Variants in KPNB1 observed in about 807,000 individuals in gnomAD.
The protein encoded by KPNB1 is importin subunit beta-1.
A neutral mutation model predicts 113.0 loss-of-function variants in KPNB1; 7 were observed. The ratio of observed to expected loss-of-function variants is 0.06; its 90% CI spans 0.04 to 0.12. The LOEUF (loss-of-function observed/expected upper bound fraction) is 0.12. Ranked by LOEUF, KPNB1 falls within the 10% of genes least tolerant of loss-of-function variation. KPNB1 has a pLI of 1.00. For missense variants in KPNB1, 400 were observed against 1,054.8 expected (o/e 0.38, Z 8.60); for synonymous variants, 363 against 378.6 (o/e 0.96, Z 0.48).
intron 21 of KPNB1, among the ~76,000 whole-genome samples, chr17:47,681,024 C>A (rs1241962847): frequency 1.3e-5 from 2 of 151,812 alleles, no homozygotes; most frequent in African/African-American, 4.8e-5. Context: ...TTGCCTAGCT[C>A]TAGAGAAGAT....
chr17:47,675,361 G>GTGTTTTT (rs2030566872), intron 15 of KPNB1, among the ~76,000 whole-genome samples: 1 of 88,694 alleles, frequency 1.1e-5, no homozygotes. Context: ...CAGAGGTGTT[G>GTGTTTTT]TTTTTTTTTT....
chr17:47,678,475 A>G (rs2030677076), intron 19 of KPNB1, 62 bp downstream of exon 19: 5 of 1,143,518 alleles, frequency 4.4e-6, no homozygotes, highest in South Asian at 3.7e-5. Flanking sequence ...CAAGTGGGCT[A>G]TGTCTGTCAT....
In KPNB1 at chr17:47,650,127, GCC is replaced by G; in HGVS notation, c.-113_-112del. The G allele has an allele frequency of 1.5e-6, 1 of 686,060 alleles. No homozygotes were observed. The allele number at this position is 686,060 out of a possible 1,614,324, so 42.5% of individuals were successfully genotyped here. A position where few individuals can be genotyped will look rare whatever the true frequency, so the allele number is the denominator to read the frequency against. On this transcript the variant is annotated 5_prime_UTR_variant, in exon 1 of 22. Coordinates refer to ENST00000290158, the MANE Select transcript of KPNB1 (RefSeq NM_002265.6). ...GGTGAATGGGTTTGTGGTGACCCCC[GCC>G]CCCCACCCCACCCTCCCTTCCCACC...
intron 15 of KPNB1, among the ~76,000 whole-genome samples, chr17:47,675,361 GT>G (rs1166648701): frequency 9.0e-5 from 8 of 88,684 alleles, no homozygotes; most frequent in African/African-American, 1.4e-4. Flanking sequence ...CAGAGGTGTT[GT>G]TTTTTTTTTG....
At chr17:47,671,319 T>A (rs1232948696) in intron 12 of KPNB1, among the ~76,000 whole-genome samples, 1 of 152,210 alleles carries the variant, frequency 6.6e-6, no homozygotes, top group African/African-American at 2.4e-5. Flanking sequence ...AAATGCAGAT[T>A]CCACCTACCT....
At chr17:47,673,798 T>C (rs1333453029) in intron 14 of KPNB1, 3 of 505,392 alleles carry the variant, frequency 5.9e-6, no homozygotes, top group African/African-American at 5.7e-5. Flanking sequence ...AGATGTAATC[T>C]TGATAAAATC....
chr17:47,677,085 T>C lies in KPNB1; in HGVS notation c.2061T>C (p.Pro687=), dbSNP rs1259772621. 1 of 1,613,954 alleles carries C rather than the reference T, an allele frequency of 6.2e-7. No individual in the cohort carries two copies. The highest frequency in any genetic ancestry group is 1.3e-5 in the African/African-American group (1 of 74,888). ...GTGCCCTGCAATCCAACATCATACC[T>C]TTCTGTGACGAGGTGATGCAGCTGC... The part of the protein sequence containing the change: ...LCRALQSNII[P]FCDEVMQLLL... Residue 687 remains proline, a synonymous_variant, in exon 17 of 22, where the codon CCT becomes CCC. Coordinates refer to ENST00000290158, the MANE Select transcript of KPNB1 (RefSeq NM_002265.6).
chr17:47,678,304 A>G lies in KPNB1; in HGVS notation c.2248-4A>G. On this transcript the variant is annotated splice_region_variant and splice_polypyrimidine_tract_variant and intron_variant, in intron 18 of 21. Coordinates refer to ENST00000290158, the MANE Select transcript of KPNB1 (RefSeq NM_002265.6). ...ATGTAGGTTCTGTTCTTTGTGTCTTACAGTCAGACTATGACATGGTGGATT... is the reference window on the plus strand; with the variant it reads ...ATGTAGGTTCTGTTCTTTGTGTCTTGCAGTCAGACTATGACATGGTGGATT... The G allele has an allele frequency of 6.2e-7, 1 of 1,613,098 alleles. No homozygotes were observed. Among genetic ancestry groups the G allele is most frequent in the Non-Finnish European group, 8.5e-7 (1 of 1,179,034 alleles).
chr17:47,679,254 G>A (rs565655166), intron 19 of KPNB1, among the ~76,000 whole-genome samples: 36 of 152,206 alleles, frequency 2.4e-4, no homozygotes, highest in African/African-American at 8.7e-4. Flanking sequence ...TATTTCTTGA[G>A]TATTACAAGG....
intron 3 of KPNB1, among the ~76,000 whole-genome samples, chr17:47,653,315 C>T (rs1915631623): frequency 7.9e-6 from 1 of 126,870 alleles, no homozygotes; most frequent in South Asian, 2.5e-4. Context: ...GCTCTGTTGC[C>T]CAGGCTGGAG....
Position 47,678,447 on chromosome 17 carries a change from C to T in KPNB1, c.2353+34C>T, listed in dbSNP as rs8071782. ...TACAACCCAGTTCCCTTCGTCCGCT[C>T]GCCAATGTGCACTTAGCCAAGTGGG... On this transcript the variant is annotated intron_variant, in intron 19 of 21. Transcript: ENST00000290158. The T allele has an allele frequency of 2.4e-5, 35 of 1,446,328 alleles. 1 individual carries two copies. The highest frequency in any genetic ancestry group is 4.0e-4 in the Middle Eastern group (2 of 4,986). 89.6% of individuals were successfully genotyped at this position (1,446,328 alleles called of 1,614,324 possible). A position where few individuals can be genotyped will look rare whatever the true frequency, so the allele number is the denominator to read the frequency against.
intron 19 of KPNB1, 142 bp downstream of exon 19, chr17:47,678,555 T>A: frequency 1.6e-6 from 1 of 634,806 alleles, no homozygotes; most frequent in Admixed American, 2.7e-5. Flanking sequence ...AGTGCCCTAA[T>A]GAAGAGAGTG....
chr17:47,681,388 C>A (rs2030773468), intron 21 of KPNB1, among the ~76,000 whole-genome samples: 1 of 151,828 alleles, frequency 6.6e-6, no homozygotes, highest in South Asian at 2.1e-4. Context: ...CTGCCTCAGC[C>A]TCCTGAGTAG....
intron 14 of KPNB1, 115 bp downstream of exon 14, chr17:47,673,676 A>C: frequency 1.3e-6 from 1 of 787,600 alleles, no homozygotes; most frequent in South Asian, 1.5e-5. Flanking sequence ...GCGGATCAGA[A>C]GCTGTTCTCA....
chr17:47,670,313 T>C (rs1015529601), intron 11 of KPNB1: 19 of 213,944 alleles, frequency 8.9e-5, no homozygotes, highest in Non-Finnish European at 1.5e-4. Flanking sequence ...TAAACGTCTT[T>C]CTGTGAAAGG....
At chr17:47,673,692 C>G in intron 14 of KPNB1, 131 bp downstream of exon 14, 1 of 716,982 alleles carries the variant, frequency 1.4e-6, no homozygotes, top group Non-Finnish European at 2.5e-6. Context: ...TCTCAGAAGG[C>G]TTTGGTCTGT....
chr17:47,651,498 TTTG>T (rs1324667560), intron 2 of KPNB1: 12 of 320,136 alleles, frequency 3.7e-5, no homozygotes, highest in Non-Finnish European at 5.4e-5. Flanking sequence ...GAATGATTTT[TTTG>T]TTGTTTTTCA....
chr17:47,660,815 T>C (rs541621480), intron 5 of KPNB1, among the ~76,000 whole-genome samples: 1 of 152,374 alleles, frequency 6.6e-6, no homozygotes, highest in Non-Finnish European at 1.5e-5. Context: ...TAACCATTTT[T>C]ATTTAAAACT....
intron 3 of KPNB1, among the ~76,000 whole-genome samples, chr17:47,654,415 TAAAAAAA>T (rs374274253): frequency 2.5e-5 from 3 of 119,896 alleles, no homozygotes; most frequent in South Asian, 2.6e-4. Context: ...CTCCATTTCT[TAAAAAAA>T]AAAAAAAAAA....
Sources: allele counts gnomAD v4.1 joint callset (sites outside exome capture counted in the v4.1 genomes callset), GRCh38; gene constraint gnomAD v4.1.1; transcripts MANE v1.5; gene names NCBI Gene and HGNC (gene_info 2026-07-23, HGNC 2026-07-21).